Variants in PPM1L observed in about 807,000 individuals in gnomAD.
The protein encoded by PPM1L is protein phosphatase 1L.
A neutral mutation model predicts 31.4 loss-of-function variants in PPM1L; 13 were observed. The observed-to-expected ratio is 0.41, with a 90% CI of 0.27 to 0.66. The LOEUF is 0.66. Ranked by LOEUF, PPM1L falls within the 30% of genes least tolerant of loss-of-function variation. PPM1L has a pLI of 0.29. For synonymous variants in PPM1L, 184 were observed against 175.4 expected, an observed-to-expected ratio of 1.05 and a Z score of -0.39; for missense variants, 326 against 453.7, an observed-to-expected ratio of 0.72 and a Z score of 2.56.
intron 1 of PPM1L, among the ~76,000 whole-genome samples, chr3:160,933,947 A>C (rs1209280511): frequency 6.6e-6 from 1 of 152,234 alleles, no homozygotes; most frequent in Middle Eastern, 3.2e-3. Flanking sequence ...ATTTCAACCT[A>C]ATAGTGTAAT....
At chr3:160,791,538 C>G (rs1207304227) in intron 1 of PPM1L, among the ~76,000 whole-genome samples, 1 of 152,144 alleles carries the variant, frequency 6.6e-6, no homozygotes, top group Non-Finnish European at 1.5e-5. Flanking sequence ...AAAAACCGTT[C>G]ACTGAGCACT....
chr3:160,990,322 G>A (rs1717092426), intron 2 of PPM1L, among the ~76,000 whole-genome samples: 1 of 151,934 alleles, frequency 6.6e-6, no homozygotes, highest in Non-Finnish European at 1.5e-5. Flanking sequence ...TTTTAACATT[G>A]TTTTTACCAT....
chr3:160,948,713 T>G (rs1715485408), intron 1 of PPM1L, among the ~76,000 whole-genome samples: 1 of 152,026 alleles, frequency 6.6e-6, no homozygotes, highest in African/African-American at 2.4e-5. Flanking sequence ...TTTGTATGAT[T>G]TAAAAAAGCT....
At chr3:161,054,470 C>T (rs959703018) in intron 2 of PPM1L, among the ~76,000 whole-genome samples, 5 of 152,144 alleles carry the variant, frequency 3.3e-5, no homozygotes, top group East Asian at 1.9e-4. Context: ...CAGCTCTGGA[C>T]GGCACCATTC....
At chr3:160,970,787 A>ATTTTTTTTTTTTTTTTTTTT (rs71628437) in intron 2 of PPM1L, among the ~76,000 whole-genome samples, 4 of 97,196 alleles carry the variant, frequency 4.1e-5, no homozygotes, top group African/African-American at 1.8e-4. Context: ...TTCAGTTATA[A>ATTTTTTTTTTTTTTTTTTTT]TTTTTTTTTT....
chr3:160,926,338 T>C (rs920330781), intron 1 of PPM1L, among the ~76,000 whole-genome samples: 3 of 152,152 alleles, frequency 2.0e-5, no homozygotes, highest in African/African-American at 7.2e-5. Context: ...TTACAGACAA[T>C]CTAGCTAGGT....
At chr3:160,796,904 T>G (rs1347435923) in intron 1 of PPM1L, among the ~76,000 whole-genome samples, 5 of 152,186 alleles carry the variant, frequency 3.3e-5, no homozygotes, top group Non-Finnish European at 5.9e-5. Context: ...GCCAGTTATT[T>G]CCAAATACCC....
At chr3:160,979,591 A>G (rs1164773968) in intron 2 of PPM1L, among the ~76,000 whole-genome samples, 1 of 152,094 alleles carries the variant, frequency 6.6e-6, no homozygotes, top group Non-Finnish European at 1.5e-5. Flanking sequence ...GACCTGCTAT[A>G]TGTAAAAATT....
Position 161,002,339 on chromosome 3 carries a change from T to A in PPM1L, c.574+40429T>A, listed in dbSNP as rs563227221. Reference sequence around the variant, plus strand: ...TCATAGCAGCATGATTTATAGTCGTTTGGGTATATACCCAGTAATGGGATG... The same window carrying A: ...TCATAGCAGCATGATTTATAGTCGTATGGGTATATACCCAGTAATGGGATG... On this transcript the variant is annotated intron_variant, in intron 2 of 3. Transcript: ENST00000498165. Among the ~76,000 whole-genome samples, 329 of 152,298 alleles carry A rather than the reference T, an allele frequency of 2.2e-3. 1 individual carries two copies. Among genetic ancestry groups the A allele is most frequent in the African/African-American group, 7.5e-3 (310 of 41,546 alleles).
intron 1 of PPM1L, among the ~76,000 whole-genome samples, chr3:160,944,323 T>C (rs35970767): frequency 0.014 from 2,182 of 152,160 alleles, 20 homozygotes; most frequent in Non-Finnish European, 0.023. Context: ...TTTGAGAATC[T>C]AAAGTTGCTT....
chr3:160,773,557 G>A (rs754126449), intron 1 of PPM1L, among the ~76,000 whole-genome samples: 5 of 152,180 alleles, frequency 3.3e-5, no homozygotes, highest in African/African-American at 9.7e-5. Context: ...TGCCAGTACC[G>A]TCAGTGTGTA....
At chr3:161,012,870 T>C (rs1187959621) in intron 2 of PPM1L, among the ~76,000 whole-genome samples, 1 of 152,200 alleles carries the variant, frequency 6.6e-6, no homozygotes, top group Non-Finnish European at 1.5e-5. Flanking sequence ...GATATCCCCT[T>C]TATCATTTTT....
intron 2 of PPM1L, among the ~76,000 whole-genome samples, chr3:161,047,808 A>T (rs1719132660): frequency 2.0e-5 from 3 of 152,248 alleles, no homozygotes. Flanking sequence ...CTGATTTTTG[A>T]CAAACCTGAC....
chr3:160,761,120 A>G (rs568596639), intron 1 of PPM1L, among the ~76,000 whole-genome samples: 22 of 152,334 alleles, frequency 1.4e-4, no homozygotes, highest in African/African-American at 4.6e-4. Flanking sequence ...GAAACTACAG[A>G]CATATTCCCC....
At chr3:161,022,810 C>T (rs1291707784) in intron 2 of PPM1L, among the ~76,000 whole-genome samples, 3 of 151,892 alleles carry the variant, frequency 2.0e-5, no homozygotes, top group Non-Finnish European at 2.9e-5. Flanking sequence ...ACTACAGGCA[C>T]CTGCCACCAT....
chr3:160,817,928 T>C (rs1037709120), intron 1 of PPM1L, among the ~76,000 whole-genome samples: 1 of 151,992 alleles, frequency 6.6e-6, no homozygotes, highest in African/African-American at 2.4e-5. Context: ...ACCAGAGATT[T>C]AAGAGTCAGC....
chr3:160,940,702 A>G (rs1715138037), intron 1 of PPM1L, among the ~76,000 whole-genome samples: 1 of 152,270 alleles, frequency 6.6e-6, no homozygotes, highest in African/African-American at 2.4e-5. Flanking sequence ...CTGGATGCCC[A>G]GGCAAAAGTT....
intron 2 of PPM1L, among the ~76,000 whole-genome samples, chr3:161,032,903 G>C (rs1718621220): frequency 7.5e-6 from 1 of 132,560 alleles, no homozygotes; most frequent in Non-Finnish European, 1.5e-5. Flanking sequence ...TAGAGATGGG[G>C]TTTCACCATG....
At chr3:160,953,969 C>T (rs1715652836) in intron 1 of PPM1L, among the ~76,000 whole-genome samples, 1 of 152,206 alleles carries the variant, frequency 6.6e-6, no homozygotes, top group Non-Finnish European at 1.5e-5. Flanking sequence ...TTTATGCCAG[C>T]CTGGGGCTGC....
Sources: gnomAD v4.1 joint callset for allele counts (sites outside exome capture counted in the v4.1 genomes callset) on GRCh38, gnomAD v4.1.1 for gene constraint, MANE v1.5 for transcripts, NCBI Gene and HGNC (gene_info 2026-07-23, HGNC 2026-07-21) for gene names.